The following DPP10 variants were observed in gnomAD, a reference collection of about 807,000 sequenced individuals.
DPP10 encodes the protein dipeptidyl peptidase like 10.
In DPP10, 33 loss-of-function variants were observed where a neutral mutation model predicts 120.9. The ratio of observed to expected loss-of-function variants is 0.27; its 90% CI spans 0.21 to 0.37. DPP10 has a LOEUF of 0.37. Among genes scored for constraint, DPP10 ranks in the 10% least tolerant of loss-of-function variants. The probability of loss-of-function intolerance (pLI) is 1.00; values close to 1 mark genes in which losing one functional copy is unlikely to be tolerated. For synonymous variants in DPP10, 337 were observed against 326.1 expected (o/e 1.03, Z -0.36); for missense variants, 816 against 942.8 (o/e 0.87, Z 1.76).
At position 115,012,135 on chromosome 2, in the gene DPP10, C is replaced by G. The variant is rs62164476; in HGVS notation, c.61-297104C>G. Among the ~76,000 whole-genome samples the G allele has an allele frequency of 2.5e-3, 387 of 152,132 alleles. 2 individuals are homozygous for G. Among genetic ancestry groups the G allele is most frequent in the African/African-American group, 8.8e-3 (365 of 41,494 alleles). ...TCCACATGAGCTGAATGAAGCAAGC[C>G]CCGCCCAAGGAGAGACTGAATTCAG... On this transcript the variant is annotated intron_variant, in intron 1 of 25. Coordinates refer to ENST00000410059, the MANE Select transcript of DPP10 (RefSeq NM_020868.6).
intron 1 of DPP10, among the ~76,000 whole-genome samples, chr2:114,696,081 A>G (rs1700050923): frequency 6.6e-6 from 1 of 151,996 alleles, no homozygotes; most frequent in African/African-American, 2.4e-5. Context: ...TTTGATAGGT[A>G]TTTAAAATTT....
intron 2 of DPP10, among the ~76,000 whole-genome samples, chr2:115,312,612 C>G: frequency 6.6e-6 from 1 of 152,146 alleles, no homozygotes; most frequent in East Asian, 1.9e-4. Flanking sequence ...CGTCTGTGGT[C>G]AGCCTGCAGT....
intron 1 of DPP10, among the ~76,000 whole-genome samples, chr2:114,651,658 A>T (rs1696593547): frequency 6.6e-6 from 1 of 151,846 alleles, no homozygotes; most frequent in South Asian, 2.1e-4. Flanking sequence ...TTTTTTTTTT[A>T]AAGACTGTGC....
chr2:114,828,448 T>C (rs1686761245), intron 1 of DPP10: 1 of 152,182 alleles, frequency 6.6e-6, no homozygotes, highest in South Asian at 2.1e-4. Flanking sequence ...CACACAAATA[T>C]GGAGTTAACG....
At chr2:115,294,928 T>G (rs1196175283) in intron 1 of DPP10, among the ~76,000 whole-genome samples, 3 of 152,064 alleles carry the variant, frequency 2.0e-5, no homozygotes, top group African/African-American at 7.2e-5. Context: ...TTGGTAGGAT[T>G]TTTTCTACCT....
At chr2:115,382,484 G>A (rs1228209006) in intron 3 of DPP10, among the ~76,000 whole-genome samples, 1 of 152,104 alleles carries the variant, frequency 6.6e-6, no homozygotes, top group Non-Finnish European at 1.5e-5. Flanking sequence ...GATGAACCTG[G>A]TACCTCAGAT....
chr2:115,281,630 T>C (rs1026928741), intron 1 of DPP10, among the ~76,000 whole-genome samples: 1 of 152,192 alleles, frequency 6.6e-6, no homozygotes, highest in Non-Finnish European at 1.5e-5. Context: ...TTCTCATTGC[T>C]ATTGATATTG....
At chr2:115,285,123 A>G (rs954457904) in intron 1 of DPP10, among the ~76,000 whole-genome samples, 5 of 152,032 alleles carry the variant, frequency 3.3e-5, no homozygotes, top group Non-Finnish European at 7.4e-5. Flanking sequence ...TGAGAAAGCT[A>G]AGACTTCAGG....
intron 5 of DPP10, among the ~76,000 whole-genome samples, chr2:115,591,940 A>T (rs2082690089): frequency 6.6e-6 from 1 of 152,084 alleles, no homozygotes; most frequent in Admixed American, 6.5e-5. Flanking sequence ...ATGGGAGTTC[A>T]CTCATGATTT....
At position 115,570,735 on chromosome 2, in the gene DPP10, C is replaced by T. The variant is rs140249110; in HGVS notation, c.441+44763C>T. On this transcript the variant is annotated intron_variant, in intron 5 of 25. Coordinates refer to ENST00000410059, the MANE Select transcript of DPP10 (RefSeq NM_020868.6). Reference sequence around the variant, plus strand: ...AGAACATACGTAGGAATGCTTCTCTCTTAAATATAGTTATGGATCAAAATA... The same window carrying T: ...AGAACATACGTAGGAATGCTTCTCTTTTAAATATAGTTATGGATCAAAATA... Among the ~76,000 whole-genome samples the T allele has an allele frequency of 4.5e-3, 691 of 152,264 alleles. 29 individuals carry two copies. The East Asian group carries it at 0.095, about 21-fold the overall frequency.
intron 1 of DPP10, among the ~76,000 whole-genome samples, chr2:115,273,081 G>C (rs1305317628): frequency 1.3e-5 from 2 of 152,120 alleles, no homozygotes; most frequent in Non-Finnish European, 2.9e-5. Flanking sequence ...AGATGAGAGA[G>C]AGACAGAGGG....
At chr2:115,572,312 C>G (rs2081383481) in intron 5 of DPP10, among the ~76,000 whole-genome samples, 1 of 150,556 alleles carries the variant, frequency 6.6e-6, no homozygotes, top group African/African-American at 2.4e-5. Flanking sequence ...GTCTTTTTTT[C>G]TTCTGATGCA....
intron 7 of DPP10, among the ~76,000 whole-genome samples, chr2:115,702,251 G>T (rs72950192): frequency 0.047 from 7,216 of 151,944 alleles, 447 homozygotes; most frequent in African/African-American, 0.14. Context: ...AGTGCTGGTG[G>T]GCATTTAAAA....
intron 19 of DPP10, among the ~76,000 whole-genome samples, chr2:115,813,781 T>A (rs114277516): frequency 6.6e-6 from 1 of 152,130 alleles, no homozygotes; most frequent in Non-Finnish European, 1.5e-5. Flanking sequence ...ATTTGTGTAT[T>A]TGGGGCTTCT....
chr2:115,225,091 T>G (rs2057367638), intron 1 of DPP10, among the ~76,000 whole-genome samples: 1 of 152,188 alleles, frequency 6.6e-6, no homozygotes, highest in Non-Finnish European at 1.5e-5. Context: ...TATCCTAAAA[T>G]AAGATAACAA....
intron 1 of DPP10, among the ~76,000 whole-genome samples, chr2:115,156,379 C>G (rs2051911879): frequency 6.6e-6 from 1 of 152,138 alleles, no homozygotes; most frequent in South Asian, 2.1e-4. Flanking sequence ...GCTATTGCAC[C>G]AGAATCTTCG....
At chr2:115,564,443 T>C (rs1022484549) in intron 5 of DPP10, among the ~76,000 whole-genome samples, 1 of 152,186 alleles carries the variant, frequency 6.6e-6, no homozygotes, top group African/African-American at 2.4e-5. Flanking sequence ...ATGTTGTTTA[T>C]GTTAATTTGT....
At chr2:115,494,706 C>CT (rs971233136) in intron 3 of DPP10, among the ~76,000 whole-genome samples, 69 of 152,044 alleles carry the variant, frequency 4.5e-4, no homozygotes, top group African/African-American at 1.3e-3. Flanking sequence ...AATTGCTCAG[C>CT]TTTTTTTATT....
At chr2:114,783,765 T>C (rs773357743) in intron 1 of DPP10, among the ~76,000 whole-genome samples, 2 of 151,712 alleles carry the variant, frequency 1.3e-5, no homozygotes, top group Non-Finnish European at 2.9e-5. Context: ...GCCCAGGAGG[T>C]CTAGGCTGCA....
Sources: allele counts gnomAD v4.1 joint callset (sites outside exome capture counted in the v4.1 genomes callset), GRCh38; gene constraint gnomAD v4.1.1; transcripts MANE v1.5; gene names NCBI Gene and HGNC (gene_info 2026-07-23, HGNC 2026-07-21).